RAD51B: variants seen among roughly 807,000 people sequenced by gnomAD.
RAD51B encodes the protein DNA repair protein RAD51 homolog 2.
A neutral mutation model predicts 42.2 loss-of-function variants in RAD51B; 38 were observed. That is an observed-to-expected ratio of 0.90 (90% CI 0.70 to 1.18). The LOEUF is 1.18. RAD51B is among the 50% of genes most tolerant of loss of function. The pLI, the probability that RAD51B is intolerant of heterozygous loss-of-function variation, is 0.00. For synonymous variants in RAD51B, 154 were observed against 145.2 expected (o/e 1.06, Z -0.43); for missense variants, 373 against 400.7 (o/e 0.93, Z 0.59).
chr14:67,953,666 C>T (rs34700596), intron 7 of RAD51B, among the ~76,000 whole-genome samples: 10,624 of 151,798 alleles, frequency 0.07, 912 homozygotes, highest in African/African-American at 0.21. Flanking sequence ...GCAGTGGAGA[C>T]GGAAAAGAAA....
chr14:68,259,327 G>A (rs1432541583), intron 7 of RAD51B, among the ~76,000 whole-genome samples: 1 of 151,936 alleles, frequency 6.6e-6, no homozygotes. Context: ...GGGAGGGATA[G>A]CATTAGGAGA....
chr14:67,920,129 C>T (rs939324804), intron 7 of RAD51B, among the ~76,000 whole-genome samples: 8 of 151,838 alleles, frequency 5.3e-5, no homozygotes, highest in Admixed American at 2.0e-4. Flanking sequence ...ATGACTAGAG[C>T]GGTACAAAGG....
At chr14:68,484,491 G>C (rs1318693005) in intron 10 of RAD51B, among the ~76,000 whole-genome samples, 1 of 151,262 alleles carries the variant, frequency 6.6e-6, no homozygotes, top group Non-Finnish European at 1.5e-5. Flanking sequence ...CCGAGTAGCT[G>C]GGACTACAGG....
chr14:67,901,636 A>G (rs1256181419), intron 7 of RAD51B, among the ~76,000 whole-genome samples: 1 of 152,260 alleles, frequency 6.6e-6, no homozygotes, highest in Non-Finnish European at 1.5e-5. Flanking sequence ...ACCCAGAATC[A>G]CAATACAGTT....
intron 7 of RAD51B, among the ~76,000 whole-genome samples, chr14:68,174,586 A>G (rs2078930191): frequency 6.6e-6 from 1 of 152,154 alleles, no homozygotes; most frequent in East Asian, 1.9e-4. Context: ...ATACTGAACA[A>G]TGCTGGAGGA....
chr14:68,188,030 G>A (rs1025052136), intron 7 of RAD51B, among the ~76,000 whole-genome samples: 25 of 152,058 alleles, frequency 1.6e-4, no homozygotes, highest in Non-Finnish European at 1.5e-5. Flanking sequence ...AACCAAGCTG[G>A]TCTTGAACTC....
downstream of RAD51B, among the ~76,000 whole-genome samples, chr14:68,612,626 C>T (rs1029230954): frequency 2.6e-5 from 4 of 151,948 alleles, no homozygotes; most frequent in East Asian, 3.9e-4. Context: ...GAGAGGGGAA[C>T]GGGGAGTTAA....
chr14:67,961,081 A>C (rs1450774879), intron 7 of RAD51B, among the ~76,000 whole-genome samples: 1 of 152,130 alleles, frequency 6.6e-6, no homozygotes, highest in Middle Eastern at 3.2e-3. Context: ...ATCATGGCTT[A>C]CTGCAGCCTC....
intron 10 of RAD51B, among the ~76,000 whole-genome samples, chr14:68,591,020 C>G (rs2140077232): frequency 6.6e-6 from 1 of 152,338 alleles, no homozygotes; most frequent in African/African-American, 2.4e-5. Flanking sequence ...CAACCTCATT[C>G]TGATGGTTTG....
intron 7 of RAD51B, chr14:68,236,426 T>C (rs1048961763): frequency 6.6e-5 from 10 of 152,130 alleles, no homozygotes; most frequent in Non-Finnish European, 1.5e-4. Context: ...TCAAATTTAG[T>C]GAGGATACCT....
intron 10 of RAD51B, among the ~76,000 whole-genome samples, chr14:68,646,630 C>T (rs918847425): frequency 1.3e-5 from 2 of 152,238 alleles, no homozygotes; most frequent in East Asian, 1.9e-4. Context: ...AGTCCACAGC[C>T]CCTTCTTACT....
intron 7 of RAD51B, among the ~76,000 whole-genome samples, chr14:67,920,476 G>A (rs2044287505): frequency 6.6e-6 from 1 of 151,810 alleles, no homozygotes; most frequent in Admixed American, 6.6e-5. Flanking sequence ...TATAAATATG[G>A]TTTATGGTTA....
At chr14:68,064,736 G>T (rs1247609850) in intron 7 of RAD51B, among the ~76,000 whole-genome samples, 4 of 151,386 alleles carry the variant, frequency 2.6e-5, no homozygotes, top group African/African-American at 9.7e-5. Flanking sequence ...TCTTTTTTCT[G>T]CTTTATCTAA....
In RAD51B at chr14:68,065,112, T is replaced by A. The variant is rs548841145; in HGVS notation, c.756+177908T>A. 8.0e-4 allele frequency among the ~76,000 whole-genome samples: 122 copies of A among 152,308 alleles called. 1 individual carries two copies. Among genetic ancestry groups the A allele is most frequent in the African/African-American group, 2.7e-3 (112 of 41,566 alleles). ...TTCCAATTTTGTAGAGGGGCTTTCG[T>A]TGGGGAAGACTTTCACCTGCAGATG... On this transcript the variant is annotated intron_variant, in intron 7 of 10. Coordinates refer to ENST00000471583, the MANE Select transcript of RAD51B (RefSeq NM_133510.4).
intron 7 of RAD51B, among the ~76,000 whole-genome samples, chr14:68,137,290 C>T (rs980572300): frequency 6.6e-6 from 1 of 152,136 alleles, no homozygotes; most frequent in Non-Finnish European, 1.5e-5. Context: ...TTTGACATTA[C>T]TAGTACAAGC....
intron 10 of RAD51B, among the ~76,000 whole-genome samples, chr14:68,501,426 A>G (rs529063632): frequency 2.6e-5 from 4 of 152,310 alleles, no homozygotes; most frequent in East Asian, 3.9e-4. Context: ...CCCCATCCAC[A>G]TCATGAGGAG....
intron 3 of RAD51B, among the ~76,000 whole-genome samples, 174 bp from the exon 4 acceptor site, chr14:67,834,906 C>T (rs2041178901): frequency 6.6e-6 from 1 of 151,894 alleles, no homozygotes; most frequent in Admixed American, 6.6e-5. Context: ...ATGTCATATC[C>T]CCATAATCTA....
chr14:68,032,572 T>C (rs931029455), intron 7 of RAD51B, among the ~76,000 whole-genome samples: 5 of 152,218 alleles, frequency 3.3e-5, no homozygotes, highest in African/African-American at 1.2e-4. Flanking sequence ...CTGATAATTC[T>C]GCTGCCTAAA....
intron 8 of RAD51B, among the ~76,000 whole-genome samples, chr14:68,344,895 C>T (rs1439505894): frequency 9.8e-5 from 12 of 122,596 alleles, no homozygotes; most frequent in Non-Finnish European, 2.0e-4. Flanking sequence ...TGCAGTGAGC[C>T]GAGATCATGC....
Sources: allele counts gnomAD v4.1 joint callset (sites outside exome capture counted in the v4.1 genomes callset), GRCh38; gene constraint gnomAD v4.1.1; transcripts MANE v1.5; gene names NCBI Gene and HGNC (gene_info 2026-07-23, HGNC 2026-07-21).